TCOF1: variants seen among roughly 807,000 people sequenced by gnomAD.
The protein encoded by TCOF1 is treacle ribosome biogenesis factor 1, also known as treacle protein.
TCOF1 carries 33 observed loss-of-function variants against 149.0 expected under a neutral mutation model. The ratio of observed to expected loss-of-function variants is 0.22; its 90% CI spans 0.17 to 0.30. TCOF1 has a LOEUF of 0.30. TCOF1 is among the 10% of genes least tolerant of loss of function. The probability of loss-of-function intolerance (pLI) is 1.00; values close to 1 mark genes in which losing one functional copy is unlikely to be tolerated. For synonymous variants in TCOF1, 789 were observed against 738.8 expected, an observed-to-expected ratio of 1.07 and a Z score of -1.10; for missense variants, 1,728 against 1,840.7, an observed-to-expected ratio of 0.94 and a Z score of 1.12.
intron 24 of TCOF1, among the ~76,000 whole-genome samples, chr5:150,397,101 G>A (rs529456360): frequency 1.4e-5 from 2 of 145,262 alleles, no homozygotes; most frequent in East Asian, 4.3e-4. Context: ...AGAGCTTGCA[G>A]TGAGCCGAGA....
chr5:150,360,480 C>T (rs757257635), intron 1 of TCOF1, among the ~76,000 whole-genome samples: 1 of 152,172 alleles, frequency 6.6e-6, no homozygotes, highest in Non-Finnish European at 1.5e-5. Context: ...GGAAGATTGG[C>T]TGGCCACGTC....
chr5:150,382,771 G>A (rs1301057536), intron 17 of TCOF1, among the ~76,000 whole-genome samples: 2 of 152,252 alleles, frequency 1.3e-5, no homozygotes, highest in African/African-American at 4.8e-5. Context: ...GTCACCTCTT[G>A]TCGAGACATT....
intron 5 of TCOF1, among the ~76,000 whole-genome samples, 189 bp downstream of exon 5, chr5:150,369,091 C>G (rs1273752141): frequency 2.0e-5 from 3 of 152,368 alleles, no homozygotes; most frequent in African/African-American, 7.2e-5. Context: ...GACCTGGCCT[C>G]AGGCTGAACA....
rs558959588 is a variant in TCOF1 at position 150,389,591 on chromosome 5, C to T, written c.3047-296C>T. On this transcript the variant is annotated intron_variant, in intron 18 of 26. Coordinates refer to ENST00000643257, the MANE Select transcript of TCOF1 (RefSeq NM_001371623.1). ...AACTGCAAGGAGAGTCGTTTGGTGC[C>T]GGTGCTCTGGCCCATTGCTCAGGAG... Among the ~76,000 whole-genome samples the T allele has an allele frequency of 4.6e-5, 7 of 152,324 alleles. No homozygotes were observed. In the East Asian group the frequency reaches 7.7e-4, roughly 17 times the overall value.
At chr5:150,374,869 G>A (rs1562344926) in intron 9 of TCOF1, 58 bp downstream of exon 9, 1 of 1,610,588 alleles carries the variant, frequency 6.2e-7, no homozygotes, top group Non-Finnish European at 8.5e-7. Context: ...GCACCTGCAT[G>A]GGTGTGGCCA....
chr5:150,366,934 G>A (rs1305183117), intron 3 of TCOF1, among the ~76,000 whole-genome samples: 55 of 80 alleles, frequency 0.69, 19 homozygotes, highest in East Asian at 0.82. Flanking sequence ...GATTACAGGC[G>A]TGAGGCCACC....
intron 1 of TCOF1, among the ~76,000 whole-genome samples, chr5:150,358,719 C>G (rs991343989): frequency 3.3e-5 from 5 of 152,176 alleles, no homozygotes; most frequent in African/African-American, 1.2e-4. Context: ...CGCCTGTAAT[C>G]CTGGCTACTC....
chr5:150,369,513 C>G lies in TCOF1; in HGVS notation c.566-16C>G. Reference sequence around the variant, plus strand: ...GGAAAGGGAGTCCCTCAGTCCCCTCCGTGTCCGATCCTCAGGGATGGTGTC... The same window carrying G: ...GGAAAGGGAGTCCCTCAGTCCCCTCGGTGTCCGATCCTCAGGGATGGTGTC... On this transcript the variant is annotated splice_polypyrimidine_tract_variant and intron_variant, in intron 5 of 26. Coordinates refer to ENST00000643257, the MANE Select transcript of TCOF1 (RefSeq NM_001371623.1). The G allele has an allele frequency of 6.2e-7, 1 of 1,613,984 alleles. No homozygotes were observed. Among genetic ancestry groups the G allele is most frequent in the Non-Finnish European group, 8.5e-7 (1 of 1,179,976 alleles).
rs760787824 is a variant in TCOF1, at chr5:150,399,002, T to A, written c.4444-20T>A. 7 of 1,614,240 alleles carry A rather than the reference T, an allele frequency of 4.3e-6. No homozygotes were observed. The highest frequency in any genetic ancestry group is 1.7e-5 in the Admixed American group (1 of 60,036). On this transcript the variant is annotated intron_variant, in intron 25 of 26. Transcript: ENST00000643257. ...GAAAAGCTGCAGGTCTGAGAGCCTC[T>A]CGTACTTCCCTCCTCACAGAAGAAG... is the stretch of plus-strand genomic sequence containing the variant.
chr5:150,372,744 G>A (rs562271782), intron 7 of TCOF1, among the ~76,000 whole-genome samples: 2 of 152,336 alleles, frequency 1.3e-5, no homozygotes, highest in East Asian at 1.9e-4. Flanking sequence ...CAAGGCGGGG[G>A]CATGCAGTAG....
intron 14 of TCOF1, chr5:150,378,482 G>A: frequency 4.1e-6 from 1 of 245,682 alleles, no homozygotes; most frequent in Non-Finnish European, 8.0e-6. Flanking sequence ...AGGAGGAAGA[G>A]ACATGTTTCT....
intron 1 of TCOF1, 124 bp from the exon 2 acceptor site, chr5:150,361,032 A>G (rs1019046418): frequency 2.4e-6 from 3 of 1,269,536 alleles, no homozygotes; most frequent in Non-Finnish European, 3.4e-6. Context: ...CACCATGCCC[A>G]GCCAAAAAGA....
Position 150,385,085 on chromosome 5 carries a change from A to C in TCOF1, c.2860-2817A>C, listed in dbSNP as rs537600132. 7.1e-6 allele frequency: 7 copies of C among 985,366 alleles called. No individual in the cohort carries two copies. The African/African-American group carries it at 1.0e-4, about 15-fold the overall frequency. The allele number at this position is 985,366 out of a possible 1,614,324, so 61.0% of individuals were successfully genotyped here. ...AACAAGTAGGTGATACATATGTTAA[A>C]TAACTTAATTTAGCTATTCCACAAT... On this transcript the variant is annotated intron_variant, in intron 17 of 26. Coordinates refer to ENST00000643257, the MANE Select transcript of TCOF1 (RefSeq NM_001371623.1).
intron 1 of TCOF1, among the ~76,000 whole-genome samples, chr5:150,359,316 C>T (rs1426185969): frequency 2.0e-5 from 3 of 150,198 alleles, no homozygotes; most frequent in African/African-American, 7.3e-5. Context: ...CACTGCACTC[C>T]ATCCTGGGTG....
At chr5:150,361,673 A>G (rs1421468236) in intron 2 of TCOF1, among the ~76,000 whole-genome samples, 1 of 152,238 alleles carries the variant, frequency 6.6e-6, no homozygotes, top group Non-Finnish European at 1.5e-5. Context: ...CCACAGCCAC[A>G]TAAATGGGTA....
intron 3 of TCOF1, among the ~76,000 whole-genome samples, chr5:150,367,329 C>T (rs923568374): frequency 7.2e-5 from 11 of 152,162 alleles, no homozygotes; most frequent in African/African-American, 2.4e-4. Context: ...CACTGAGAAT[C>T]AGTGAATATC....
intron 16 of TCOF1, 56 bp downstream of exon 16, chr5:150,379,464 A>G: frequency 6.2e-7 from 1 of 1,614,092 alleles, no homozygotes; most frequent in Non-Finnish European, 8.5e-7. Context: ...CCTTTGCCAC[A>G]TCCAGCTCCT....
intron 14 of TCOF1, among the ~76,000 whole-genome samples, chr5:150,378,424 G>A (rs768821068): frequency 4.6e-5 from 7 of 152,032 alleles, no homozygotes; most frequent in Non-Finnish European, 8.8e-5. Flanking sequence ...TTGTTCTGCC[G>A]TGGCTGCTTG....
At chr5:150,384,780 G>C in intron 17 of TCOF1, 1 of 985,502 alleles carries the variant, frequency 1.0e-6, no homozygotes, top group East Asian at 1.1e-4. Context: ...TCCTGATTGA[G>C]AGATTTTTAG....
Sources: gnomAD v4.1 joint callset for allele counts (sites outside exome capture counted in the v4.1 genomes callset) on GRCh38, gnomAD v4.1.1 for gene constraint, MANE v1.5 for transcripts, NCBI Gene and HGNC (gene_info 2026-07-23, HGNC 2026-07-21) for gene names.